The following ATG10 variants were observed in gnomAD, a reference collection of about 807,000 sequenced individuals.
The protein encoded by ATG10 is autophagy related 10, also known as ubiquitin-like-conjugating enzyme ATG10.
In ATG10, 30 loss-of-function variants were observed where a neutral mutation model predicts 32.1. The ratio of observed to expected loss-of-function variants is 0.94; its 90% CI spans 0.70 to 1.27. The LOEUF is 1.27. ATG10 is among the 50% of genes most tolerant of loss of function. The pLI is 0.00. For synonymous variants in ATG10, 87 were observed against 91.5 expected, an observed-to-expected ratio of 0.95 and a Z score of 0.28; for missense variants, 233 against 262.3, an observed-to-expected ratio of 0.89 and a Z score of 0.77.
chr5:82,139,566 C>T (rs368247972), intron 3 of ATG10, among the ~76,000 whole-genome samples: 41 of 145,146 alleles, frequency 2.8e-4, no homozygotes, highest in African/African-American at 8.2e-4. Flanking sequence ...CGTCTCTGCC[C>T]GGCCGCCCCG....
At chr5:81,988,630 C>T (rs1761361422) in intron 2 of ATG10, among the ~76,000 whole-genome samples, 1 of 151,796 alleles carries the variant, frequency 6.6e-6, no homozygotes, top group Non-Finnish European at 1.5e-5. Context: ...GACGGGGTTT[C>T]ACCATGTTGG....
chr5:82,149,362 G>C (rs923464050), intron 3 of ATG10, among the ~76,000 whole-genome samples: 9 of 149,614 alleles, frequency 6.0e-5, no homozygotes, highest in African/African-American at 1.8e-4. Context: ...TTTCCAAATA[G>C]ATTATTTACA....
chr5:82,120,861 T>G (rs1766014032), intron 3 of ATG10, among the ~76,000 whole-genome samples: 1 of 152,122 alleles, frequency 6.6e-6, no homozygotes, highest in Non-Finnish European at 1.5e-5. Flanking sequence ...TTAACCAGGG[T>G]AGGGAGTAGG....
chr5:82,205,409 T>G lies in ATG10; in HGVS notation c.453+26822T>G, dbSNP rs562708169. Among the ~76,000 whole-genome samples, 3 of 152,240 alleles carry G rather than the reference T, an allele frequency of 2.0e-5. No individual in the cohort carries two copies. In the South Asian group the frequency reaches 6.2e-4, roughly 32 times the overall value. ...GTTTGTTTTTAAGATGAGAAAGACT[T>G]TATTATTTTAAAAACTGAAAGGAAA... is the stretch of plus-strand genomic sequence containing the variant. On this transcript the variant is annotated intron_variant, in intron 5 of 7. Transcript: ENST00000282185.
rs536935520 is a variant in ATG10, at chr5:82,006,042, A to G, written c.108+18364A>G. On this transcript the variant is annotated intron_variant, in intron 2 of 7. Coordinates refer to ENST00000282185, the MANE Select transcript of ATG10 (RefSeq NM_031482.5). ...AAAGGGCTTGTTTGCTAATTTATATATAGTAAAAATTTTAAATTTCATTTT... is the reference window on the plus strand; with the variant it reads ...AAAGGGCTTGTTTGCTAATTTATATGTAGTAAAAATTTTAAATTTCATTTT... 1.2e-4 allele frequency among the ~76,000 whole-genome samples: 18 copies of G among 152,284 alleles called. 1 individual carries two copies. The South Asian group carries it at 3.7e-3, about 32-fold the overall frequency.
chr5:82,005,325 C>T (rs1761961641), intron 2 of ATG10, among the ~76,000 whole-genome samples: 1 of 152,114 alleles, frequency 6.6e-6, no homozygotes. Context: ...GATAGAGTCT[C>T]ACTCTTTCGC....
chr5:82,148,285 CTCTGATCCAGTGA>C (rs1419485428), intron 3 of ATG10, among the ~76,000 whole-genome samples: 1 of 152,160 alleles, frequency 6.6e-6, no homozygotes, highest in Non-Finnish European at 1.5e-5. Context: ...ATATTTTGAC[CTCTGATCCAGTGA>C]TCTGATTCTC....
intron 2 of ATG10, among the ~76,000 whole-genome samples, chr5:82,021,695 A>T (rs1202296317): frequency 2.6e-5 from 4 of 151,948 alleles, no homozygotes; most frequent in Non-Finnish European, 5.9e-5. Context: ...AGCCTGGCCA[A>T]CATGGTGAAA....
At chr5:82,210,432 T>C (rs1412968534) in intron 5 of ATG10, among the ~76,000 whole-genome samples, 3 of 152,158 alleles carry the variant, frequency 2.0e-5, no homozygotes, top group African/African-American at 7.2e-5. Flanking sequence ...ACTTTTGAAG[T>C]GTAGTCTTTC....
intron 5 of ATG10, among the ~76,000 whole-genome samples, chr5:82,210,461 C>T (rs1476602046): frequency 3.9e-5 from 6 of 152,100 alleles, no homozygotes; most frequent in Non-Finnish European, 2.9e-5. Flanking sequence ...ATCTAAAATC[C>T]TATGTGTTTA....
At chr5:82,066,121 C>T (rs1268276749) in intron 3 of ATG10, among the ~76,000 whole-genome samples, 1 of 151,838 alleles carries the variant, frequency 6.6e-6, no homozygotes, top group Non-Finnish European at 1.5e-5. Context: ...AAAGTATTTC[C>T]TATGTAACTC....
intron 3 of ATG10, among the ~76,000 whole-genome samples, chr5:82,154,665 C>G (rs368253315): frequency 6.6e-6 from 1 of 152,106 alleles, no homozygotes; most frequent in Admixed American, 6.5e-5. Flanking sequence ...CTCCTTGAAT[C>G]CCAATAGAAA....
chr5:82,144,746 T>C (rs544841652), intron 3 of ATG10, among the ~76,000 whole-genome samples: 37 of 152,174 alleles, frequency 2.4e-4, no homozygotes, highest in Middle Eastern at 3.5e-3. Flanking sequence ...TCATGGTTAA[T>C]GTACTGTGTG....
intron 3 of ATG10, among the ~76,000 whole-genome samples, chr5:82,141,485 A>G (rs1411080797): frequency 6.6e-6 from 1 of 152,136 alleles, no homozygotes; most frequent in East Asian, 1.9e-4. Flanking sequence ...TTTTGGTCTC[A>G]GTCATAATCC....
At chr5:82,066,992 G>T (rs1763961652) in intron 3 of ATG10, among the ~76,000 whole-genome samples, 2 of 152,128 alleles carry the variant, frequency 1.3e-5, no homozygotes, top group Non-Finnish European at 2.9e-5. Flanking sequence ...ATTCCAGGAA[G>T]TCTGTTATGT....
chr5:82,102,381 A>G (rs547879330), intron 3 of ATG10, among the ~76,000 whole-genome samples: 97 of 152,290 alleles, frequency 6.4e-4, no homozygotes, highest in South Asian at 3.9e-3. Flanking sequence ...TCCCTGCCTC[A>G]TGAGTCTGTA....
chr5:82,109,840 C>T (rs1459974598), intron 3 of ATG10, among the ~76,000 whole-genome samples: 1 of 151,124 alleles, frequency 6.6e-6, no homozygotes, highest in Non-Finnish European at 1.5e-5. Flanking sequence ...TTCTAGGGTA[C>T]ATGTGCACAA....
At chr5:82,082,795 T>C (rs1263713400) in intron 3 of ATG10, among the ~76,000 whole-genome samples, 1 of 152,222 alleles carries the variant, frequency 6.6e-6, no homozygotes, top group Non-Finnish European at 1.5e-5. Flanking sequence ...TTCCAGATAA[T>C]TCCAATCATG....
At chr5:82,191,634 C>T (rs1046527928) in intron 5 of ATG10, among the ~76,000 whole-genome samples, 2 of 152,184 alleles carry the variant, frequency 1.3e-5, no homozygotes, top group Admixed American at 6.5e-5. Flanking sequence ...AGATGCCATA[C>T]TAGGGAGCTC....
Sources: allele counts gnomAD v4.1 joint callset (sites outside exome capture counted in the v4.1 genomes callset), GRCh38; gene constraint gnomAD v4.1.1; transcripts MANE v1.5; gene names NCBI Gene and HGNC (gene_info 2026-07-23, HGNC 2026-07-21).